The following OPCML variants were observed in gnomAD, a reference collection of about 807,000 sequenced individuals.
The protein encoded by OPCML is opioid binding protein/cell adhesion molecule like, also known as opioid-binding protein/cell adhesion molecule.
In OPCML, 13 loss-of-function variants were observed where a neutral mutation model predicts 37.8. The ratio of observed to expected loss-of-function variants is 0.34; its 90% CI spans 0.22 to 0.55. OPCML has a LOEUF of 0.55. OPCML is among the 20% of genes least tolerant of loss of function. The pLI is 0.91. For synonymous variants in OPCML, 176 were observed against 168.8 expected (o/e 1.04, Z -0.33); for missense variants, 341 against 435.6 (o/e 0.78, Z 1.93).
At chr11:132,962,750 G>A (rs1591852485) in intron 1 of OPCML, among the ~76,000 whole-genome samples, 1 of 152,190 alleles carries the variant, frequency 6.6e-6, no homozygotes, top group African/African-American at 2.4e-5. Flanking sequence ...GTTGTGGGAG[G>A]CACTATTTTG....
rs911786189 is a variant in OPCML, at chr11:132,943,416, C to T, written c.62-406G>A. ...GTGCGGGGATGAAGGTCACAGATTG[C>T]GCTTTCTCTGCCTCTCTCTTCGAGA... On this transcript the variant is annotated intron_variant, in intron 1 of 7. Coordinates refer to ENST00000524381, the MANE Select transcript of OPCML (RefSeq NM_001012393.5). This position sits in a 1 kb window ranked among gnomAD's most constrained non-coding sequence, Gnocchi z 4.3. 1 of 396,184 alleles carries T rather than the reference C, an allele frequency of 2.5e-6. No individual in the cohort carries two copies. The highest frequency in any genetic ancestry group is 4.7e-6 in the Non-Finnish European group (1 of 214,014). 24.5% of individuals were successfully genotyped at this position (396,184 alleles called of 1,614,324 possible). A position where few individuals can be genotyped will look rare whatever the true frequency, so the allele number is the denominator to read the frequency against.
intron 1 of OPCML, among the ~76,000 whole-genome samples, chr11:132,947,668 C>CA (rs1288673911): frequency 6.6e-6 from 1 of 152,154 alleles, no homozygotes; most frequent in African/African-American, 2.4e-5. Flanking sequence ...CTGAGGTTCA[C>CA]AATGAACAAG....
chr11:133,150,923 C>T (rs1372119628), intron 1 of OPCML, among the ~76,000 whole-genome samples: 4 of 152,028 alleles, frequency 2.6e-5, no homozygotes, highest in Non-Finnish European at 5.9e-5. Context: ...GCCACATCCT[C>T]CCCTGCCCCG....
In OPCML at chr11:133,195,869, G is replaced by A. The variant is rs183173829; in HGVS notation, c.62-252859C>T. Among the ~76,000 whole-genome samples, 211 of 152,214 alleles carry A rather than the reference G, an allele frequency of 1.4e-3. 3 individuals are homozygous for A. The highest frequency in any genetic ancestry group is 2.2e-4 in the Non-Finnish European group (15 of 68,026). On this transcript the variant is annotated intron_variant, in intron 1 of 7. Coordinates refer to ENST00000524381, the MANE Select transcript of OPCML (RefSeq NM_001012393.5). ...ATCTGTCACATGAATGATATATATT[G>A]CCATACTAAACCAACAATGGTCTTG...
intron 1 of OPCML, among the ~76,000 whole-genome samples, chr11:132,953,238 G>A (rs1471988492): frequency 6.6e-6 from 1 of 152,080 alleles, no homozygotes; most frequent in African/African-American, 2.4e-5. Flanking sequence ...GCCCAGTACA[G>A]AGTAAGTACT....
At chr11:133,119,128 C>T (rs1206391301) in intron 1 of OPCML, among the ~76,000 whole-genome samples, 7 of 152,040 alleles carry the variant, frequency 4.6e-5, no homozygotes, top group Non-Finnish European at 8.8e-5. Context: ...CTACAGCCAT[C>T]GTGCCCCAGG....
intron 1 of OPCML, among the ~76,000 whole-genome samples, chr11:133,167,724 A>G (rs769523792): frequency 6.6e-6 from 1 of 152,122 alleles, no homozygotes; most frequent in South Asian, 2.1e-4. Flanking sequence ...GCTGTATTGC[A>G]GCACAGACAG....
intron 1 of OPCML, among the ~76,000 whole-genome samples, chr11:132,988,283 T>C (rs981446719): frequency 1.3e-5 from 2 of 152,202 alleles, no homozygotes; most frequent in Non-Finnish European, 2.9e-5. Flanking sequence ...TTATTAATAT[T>C]AATACACTTG....
intron 1 of OPCML, among the ~76,000 whole-genome samples, chr11:133,111,638 C>T (rs968144030): frequency 1.3e-5 from 2 of 152,216 alleles, no homozygotes; most frequent in Non-Finnish European, 2.9e-5. Flanking sequence ...TCCCTTTAAA[C>T]TCATGGAGCA....
chr11:133,073,283 C>T (rs1948570221), intron 1 of OPCML, among the ~76,000 whole-genome samples: 1 of 152,212 alleles, frequency 6.6e-6, no homozygotes, highest in Non-Finnish European at 1.5e-5. Context: ...GTGAGGGGCT[C>T]TCGGTTTGCA....
At chr11:132,646,398 G>A (rs1185451705) in intron 3 of OPCML, among the ~76,000 whole-genome samples, 9 of 152,204 alleles carry the variant, frequency 5.9e-5, no homozygotes, top group African/African-American at 2.2e-4. Context: ...GACAATCTAA[G>A]AGCTTTTGAC....
intron 4 of OPCML, among the ~76,000 whole-genome samples, chr11:132,467,026 T>C (rs2096122203): frequency 6.6e-6 from 1 of 152,196 alleles, no homozygotes; most frequent in Non-Finnish European, 1.5e-5. Context: ...CATTCTAGGC[T>C]GAGAAGTGTA....
chr11:132,703,435 C>G (rs1180694703), intron 2 of OPCML, among the ~76,000 whole-genome samples: 1 of 152,142 alleles, frequency 6.6e-6, no homozygotes, highest in Non-Finnish European at 1.5e-5. Context: ...TATTTTGTGC[C>G]TTTGGTGGCA....
chr11:132,601,530 C>T (rs1422312137), intron 3 of OPCML, among the ~76,000 whole-genome samples: 2 of 152,208 alleles, frequency 1.3e-5, no homozygotes, highest in Non-Finnish European at 2.9e-5. Flanking sequence ...CACCTTGCAT[C>T]CCATCAGAAC....
chr11:132,761,919 C>T (rs1189277995), intron 2 of OPCML, among the ~76,000 whole-genome samples: 1 of 152,130 alleles, frequency 6.6e-6, no homozygotes, highest in Non-Finnish European at 1.5e-5. Flanking sequence ...AGCCTTTTTG[C>T]ACTGGTTTTT....
chr11:132,901,547 A>C (rs953919973), intron 2 of OPCML, among the ~76,000 whole-genome samples: 16 of 152,160 alleles, frequency 1.1e-4, no homozygotes, highest in African/African-American at 3.9e-4. Flanking sequence ...GATGACATGG[A>C]GGCAGGATGT....
chr11:132,823,484 CT>C (rs1268051936), intron 2 of OPCML, among the ~76,000 whole-genome samples: 1 of 152,068 alleles, frequency 6.6e-6, no homozygotes, highest in African/African-American at 2.4e-5. Flanking sequence ...GACTTCACTG[CT>C]GTGGCCATCG....
At chr11:133,262,875 C>T (rs1941537212) in intron 1 of OPCML, among the ~76,000 whole-genome samples, 2 of 151,880 alleles carry the variant, frequency 1.3e-5, no homozygotes, top group Non-Finnish European at 2.9e-5. Context: ...CGTGAGGACA[C>T]TCACTCTACT....
At chr11:132,918,966 A>G (rs1944697514) in intron 2 of OPCML, among the ~76,000 whole-genome samples, 1 of 152,208 alleles carries the variant, frequency 6.6e-6, no homozygotes, top group Admixed American at 6.5e-5. Flanking sequence ...TAAGCCTAGG[A>G]GCTAACTGTG....
Sources: allele counts gnomAD v4.1 joint callset (sites outside exome capture counted in the v4.1 genomes callset), GRCh38; gene constraint gnomAD v4.1.1; non-coding constraint Gnocchi (gnomAD v3.1); transcripts MANE v1.5; gene names NCBI Gene and HGNC (gene_info 2026-07-23, HGNC 2026-07-21).